Variants in ANK3 observed in about 807,000 individuals in gnomAD.
The protein encoded by ANK3 is ankyrin-3.
Under a neutral mutation model 370.9 loss-of-function variants are expected in ANK3, and 57 were observed. That is an observed-to-expected ratio of 0.15 (90% confidence interval 0.12 to 0.19). The LOEUF (loss-of-function observed/expected upper bound fraction) is 0.19, where lower values mean the gene tolerates loss of function less well. Ranked by LOEUF, ANK3 falls within the 10% of genes least tolerant of loss-of-function variation. ANK3 has a pLI of 1.00. For synonymous variants in ANK3, 1,929 were observed against 1,946.3 expected (o/e 0.99, Z 0.23); for missense variants, 4,439 against 5,302.1 (o/e 0.84, Z 5.06).
At position 60,071,045 on chromosome 10, in the gene ANK3, A is replaced by G; in HGVS notation, c.9836T>C (p.Val3279Ala). Residue 3279 changes from valine (V) to alanine (A), a missense_variant, in exon 37 of 44, where the codon GTT becomes GCT. Physicochemically the swap from Val to Ala is moderately conservative, Grantham distance 64. Coordinates refer to ENST00000280772, the MANE Select transcript of ANK3 (RefSeq NM_020987.5). The stretch of plus-strand genomic sequence containing the variant: ...TTGCAGATTGACTTCAATCATGTCA[A>G]CCTCTTTTTCTGGGAGATAATGATG... ...KKHHYLPEKE[V>A]DMIEVNLQDE... 1 of 1,613,956 alleles carries G rather than the reference A, an allele frequency of 6.2e-7. No individual in the cohort carries two copies. The highest frequency in any genetic ancestry group is 1.1e-5 in the South Asian group (1 of 91,074).
chr10:60,653,595 C>T (rs968939291), intron 1 of ANK3, among the ~76,000 whole-genome samples: 22 of 152,092 alleles, frequency 1.4e-4, no homozygotes, highest in Non-Finnish European at 2.2e-4. Flanking sequence ...TTGGGCTGGG[C>T]GTCGTGGCTT....
At chr10:60,251,898 T>C (rs1344708892) in intron 7 of ANK3, among the ~76,000 whole-genome samples, 2 of 152,224 alleles carry the variant, frequency 1.3e-5, no homozygotes, top group African/African-American at 4.8e-5. Context: ...CCCACCGGGC[T>C]GGACTCTCAT....
In ANK3 at chr10:60,221,983, T is replaced by C. The variant is rs573681687; in HGVS notation, c.898-8473A>G. On this transcript the variant is annotated intron_variant, in intron 8 of 43. Transcript: ENST00000280772. ...TAATCACCTTGCTTCCATGACAAAG[T>C]CAGCTGTTTCCCCAAGGTACAACTC... Among the ~76,000 whole-genome samples, 25 of 152,346 alleles carry C rather than the reference T, an allele frequency of 1.6e-4. No individual in the cohort carries two copies. The East Asian group carries it at 4.6e-3, about 28-fold the overall frequency.
intron 9 of ANK3, among the ~76,000 whole-genome samples, chr10:60,209,430 G>A (rs984983631): frequency 1.3e-5 from 2 of 152,218 alleles, no homozygotes; most frequent in African/African-American, 4.8e-5. Context: ...CCATTCTAAC[G>A]GCATTATCCA....
rs371084309 is a variant in ANK3 at position 60,196,157 on chromosome 10, G to A, written c.1875C>T (p.His625=). Residue 625 remains histidine (H), a synonymous_variant, in exon 16 of 44, where the codon CAC becomes CAT. Coordinates refer to ENST00000280772, the MANE Select transcript of ANK3 (RefSeq NM_020987.5). ...LLLLDQGASP[H]AAAKNGYTPL... ...GAATTATAGGTACCTTTGCGGCTGC[G>A]TGAGGTGAGGCTCCTTGGTCCAAAA... 24 of 1,613,796 alleles carry A rather than the reference G, an allele frequency of 1.5e-5. No individual in the cohort carries two copies. The highest frequency in any genetic ancestry group is 8.0e-5 in the African/African-American group (6 of 75,018).
At chr10:60,449,558 T>C (rs1239140606) in intron 2 of ANK3, among the ~76,000 whole-genome samples, 3 of 152,208 alleles carry the variant, frequency 2.0e-5, no homozygotes, top group Non-Finnish European at 2.9e-5. Flanking sequence ...CTTAAGAATT[T>C]AGGGTACAGG....
intron 29 of ANK3, among the ~76,000 whole-genome samples, chr10:60,087,923 C>T (rs10761452): frequency 0.32 from 48,230 of 152,062 alleles, 7,891 homozygotes; most frequent in Non-Finnish European, 0.36. Context: ...CATCAGAAAC[C>T]AACTGAGACT....
intron 2 of ANK3, among the ~76,000 whole-genome samples, chr10:60,463,307 A>G (rs2064934707): frequency 6.6e-6 from 1 of 152,122 alleles, no homozygotes; most frequent in Non-Finnish European, 1.5e-5. Context: ...CTTTTGACCC[A>G]CTTTTTCAGA....
chr10:60,340,744 A>G (rs548607342), intron 1 of ANK3, among the ~76,000 whole-genome samples: 3 of 152,236 alleles, frequency 2.0e-5, no homozygotes, highest in Admixed American at 1.3e-4. Flanking sequence ...CTTACAGATC[A>G]GAGAAGATAC....
intron 26 of ANK3, among the ~76,000 whole-genome samples, chr10:60,112,741 C>T (rs899723849): frequency 6.6e-6 from 1 of 152,136 alleles, no homozygotes; most frequent in Admixed American, 6.5e-5. Context: ...AGATTTAGCA[C>T]AATGCCAGGT....
At position 60,559,531 on chromosome 10, in the gene ANK3, C is replaced by T. The variant is rs1214219913; in HGVS notation, c.96+55655G>A. On this transcript the variant is annotated intron_variant, in intron 2 of 43. Coordinates refer to the ANK3 transcript ENST00000373827. The stretch of plus-strand genomic sequence containing the variant: ...ACTGTTTCTAATCCTTACATTAAGG[C>T]TCTAGGTAGACAAAATATCCCTATT... 2.0e-5 allele frequency among the ~76,000 whole-genome samples: 3 copies of T among 152,104 alleles called. No individual in the cohort carries two copies. The East Asian group carries it at 5.8e-4, about 29-fold the overall frequency.
intron 1 of ANK3, among the ~76,000 whole-genome samples, chr10:60,692,660 A>G (rs1447711798): frequency 6.6e-6 from 1 of 152,194 alleles, no homozygotes; most frequent in Non-Finnish European, 1.5e-5. Context: ...GGACAATTCA[A>G]ATTTTACTGC....
intron 2 of ANK3, among the ~76,000 whole-genome samples, chr10:60,501,823 A>G (rs1335319594): frequency 2.0e-5 from 3 of 152,118 alleles, no homozygotes; most frequent in African/African-American, 7.2e-5. Context: ...AAAAAAGGAA[A>G]AAGAAAATTG....
intron 9 of ANK3, 97 bp downstream of exon 9, chr10:60,213,314 AC>A: frequency 1.3e-6 from 1 of 788,360 alleles, no homozygotes. Flanking sequence ...TCTGACTGCT[AC>A]ATTGAAAATG....
chr10:60,068,510 G>A, intron 37 of ANK3, 127 bp downstream of exon 37: 1 of 1,006,992 alleles, frequency 9.9e-7, no homozygotes, highest in Non-Finnish European at 1.5e-6. Context: ...CTACGGTTAA[G>A]TCACTCCACA....
intron 42 of ANK3, 139 bp downstream of exon 42, chr10:60,055,519 A>C: frequency 8.6e-7 from 1 of 1,159,954 alleles, no homozygotes; most frequent in East Asian, 2.4e-5. Flanking sequence ...TACCTCCACC[A>C]TTAGTGCTAC....
intron 40 of ANK3, chr10:60,060,145 A>ATT (rs2080087547): frequency 1.6e-6 from 1 of 616,080 alleles, no homozygotes; most frequent in Non-Finnish European, 2.6e-6. Context: ...TTATCGGTTT[A>ATT]GTTCAATTAA....
At chr10:60,709,483 T>G (rs2079670728) in intron 1 of ANK3, among the ~76,000 whole-genome samples, 1 of 152,098 alleles carries the variant, frequency 6.6e-6, no homozygotes. Context: ...ATAACATAAA[T>G]AGCTGATTTG....
rs1399078535 is a variant in ANK3 at position 60,166,619 on chromosome 10, A to G, written c.2586T>C (p.Asp862=). 1 of 1,613,888 alleles carries G rather than the reference A, an allele frequency of 6.2e-7. No homozygotes were observed. Among genetic ancestry groups the G allele is most frequent in the Admixed American group, 1.7e-5 (1 of 60,022 alleles). Residue 862 remains aspartate, a synonymous_variant, in exon 23 of 44, where the codon GAT becomes GAC. Transcript: ENST00000280772. ...CTTCAACATCTGAGATATATTCGCC[A>G]TCACTGAGCATTTCAGGGGCATTGG... is the stretch of plus-strand genomic sequence containing the variant. The part of the protein sequence containing the change: ...RKANAPEMLS[D]GEYISDVEEG...
Sources: allele counts gnomAD v4.1 joint callset (sites outside exome capture counted in the v4.1 genomes callset), GRCh38; gene constraint gnomAD v4.1.1; transcripts MANE v1.5; gene names NCBI Gene and HGNC (gene_info 2026-07-23, HGNC 2026-07-21).